Variants in SERPINF2 observed in about 807,000 individuals in gnomAD.
SERPINF2 encodes alpha-2-antiplasmin.
A neutral mutation model predicts 45.0 loss-of-function variants in SERPINF2; 15 were observed. The observed-to-expected ratio is 0.33, with a 90% CI of 0.22 to 0.51. The LOEUF (loss-of-function observed/expected upper bound fraction) is 0.51. Ranked by LOEUF, SERPINF2 falls within the 20% of genes least tolerant of loss-of-function variation. The pLI, the probability that SERPINF2 is intolerant of heterozygous loss-of-function variation, is 0.97. For missense variants in SERPINF2, 518 were observed against 637.4 expected (o/e 0.81, Z 2.02); for synonymous variants, 283 against 277.9 (o/e 1.02, Z -0.18).
chr17:1,754,004 G>A (rs942344765), intron 9 of SERPINF2, 118 bp from the exon 10 acceptor site: 7 of 1,156,056 alleles, frequency 6.1e-6, no homozygotes, highest in African/African-American at 4.5e-5. Flanking sequence ...TAGGAATGAA[G>A]CAGGTATCTG....
chr17:1,753,639 T>A (rs1325035849), intron 9 of SERPINF2, among the ~76,000 whole-genome samples: 1 of 152,074 alleles, frequency 6.6e-6, no homozygotes, highest in Non-Finnish European at 1.5e-5. Context: ...TGAGCCGAGA[T>A]CACGCCACTG....
rs954232296 is a variant in SERPINF2 at position 1,751,858 on chromosome 17, G to A, written c.859-728G>A. Among the ~76,000 whole-genome samples the A allele has an allele frequency of 7.9e-5, 11 of 138,598 alleles. 1 individual carries two copies. Among genetic ancestry groups the A allele is most frequent in the African/African-American group, 2.5e-4 (10 of 40,766 alleles). 90.9% of individuals were successfully genotyped at this position (138,598 alleles called of 152,430 possible). A position where few individuals can be genotyped will look rare whatever the true frequency, so the allele number is the denominator to read the frequency against. On this transcript the variant is annotated intron_variant, in intron 8 of 9. Transcript: ENST00000453066. ...TGGGAGGGTGGGGCGGGCAGCACTC[G>A]GCAGTGGCTCACCCACAGAACCCAG...
intron 8 of SERPINF2, among the ~76,000 whole-genome samples, chr17:1,751,136 G>C (rs1293336895): frequency 1.3e-5 from 2 of 152,178 alleles, no homozygotes; most frequent in African/African-American, 4.8e-5. Flanking sequence ...CACTGCTTTT[G>C]CTGCAGAATC....
chr17:1,747,090 C>T lies in SERPINF2; in HGVS notation c.439C>T (p.Leu147=), dbSNP rs770319910. 1.2e-6 allele frequency: 2 copies of T among 1,610,592 alleles called. No homozygotes were observed. The highest frequency in any genetic ancestry group is 8.5e-7 in the Non-Finnish European group (1 of 1,179,896). Residue 147 remains leucine, a synonymous_variant, in exon 6 of 10, where the codon CTG becomes TTG. Coordinates refer to ENST00000453066, the MANE Select transcript of SERPINF2 (RefSeq NM_000934.4). ...AGGCTCAGGGCCCTGCCTCCCCCAT[C>T]TGCTGAGCCGCCTCTGCCAGGACCT... ...HAGSGPCLPH[L]LSRLCQDLGP...
At position 1,750,333 on chromosome 17, in the gene SERPINF2, G is replaced by T. The variant is rs139652262; in HGVS notation, c.858+1593G>T. On this transcript the variant is annotated intron_variant, in intron 8 of 9. Coordinates refer to ENST00000453066, the MANE Select transcript of SERPINF2 (RefSeq NM_000934.4). ...CCAGCTAATTTTTGTATTTTTAGTA[G>T]AGACGGGGTTTCACCATATTGGCCA... is the stretch of plus-strand genomic sequence containing the variant. Among the ~76,000 whole-genome samples the T allele has an allele frequency of 5.2e-3, 794 of 152,158 alleles. 31 individuals carry two copies. The East Asian group carries it at 0.1, about 20-fold the overall frequency.
chr17:1,745,209 G>A lies in SERPINF2; in HGVS notation c.98G>A (p.Arg33Gln), dbSNP rs186870227. The A allele has an allele frequency of 1.7e-5, 26 of 1,570,274 alleles. No homozygotes were observed. Among genetic ancestry groups the A allele is most frequent in the Middle Eastern group, 1.7e-4 (1 of 5,884 alleles). The change falls in exon 3 of 10, where the codon CGG (arginine) becomes CAG (glutamine). Residue 33 changes from arginine to glutamine, a missense_variant. Around this residue, in one of 2 missense-constraint regions of SERPINF2, gnomAD observed 435 missense variants for 577.3 expected, o/e 0.75. Coordinates refer to ENST00000453066, the MANE Select transcript of SERPINF2 (RefSeq NM_000934.4). The surrounding 1 kb of genome is among the most constrained non-coding windows in gnomAD (Gnocchi z 6.2). ...SPVSAMEPLGRQLTSGPNQEQ... is the reference protein window; with the variant it reads ...SPVSAMEPLGQQLTSGPNQEQ... ...GTGAGCGCCATGGAGCCCTTGGGCC[G>A]GCAGGTACTGGGGAGTGAGGAGCCT...
chr17:1,745,186 G>T lies in SERPINF2; in HGVS notation c.75G>T (p.Val25=). ...CCCTTTCTCCACAGTTCTCCCCTGT[G>T]AGCGCCATGGAGCCCTTGGGCCGGC... is the stretch of plus-strand genomic sequence containing the variant. ...LQGPCSVFSP[V]SAMEPLGRQL... Residue 25 remains valine, a synonymous_variant, in exon 3 of 10, where the codon GTG becomes GTT. Transcript: ENST00000453066. This position sits in a 1 kb window ranked among gnomAD's most constrained non-coding sequence, Gnocchi z 6.2. The T allele has an allele frequency of 6.4e-7, 1 of 1,568,424 alleles. No individual in the cohort carries two copies.
chr17:1,743,973 T>G (rs1217461694), intron 1 of SERPINF2, among the ~76,000 whole-genome samples: 2 of 150,408 alleles, frequency 1.3e-5, no homozygotes, highest in Non-Finnish European at 3.0e-5. Context: ...CTCGGCTCAC[T>G]GCAACCTCCG....
chr17:1,745,545 G>A lies in SERPINF2; in HGVS notation c.165+150G>A. ...AGAGGGTGGGGAGGACCGAAGGTGGGCGCCAGGCCCCAGAATGCCAGTGCC... is the reference window on the plus strand; with the variant it reads ...AGAGGGTGGGGAGGACCGAAGGTGGACGCCAGGCCCCAGAATGCCAGTGCC... On this transcript the variant is annotated intron_variant, in intron 4 of 9. Transcript: ENST00000453066. The surrounding 1 kb of genome is among the most constrained non-coding windows in gnomAD (Gnocchi z 6.2). 8.3e-7 allele frequency: 1 copy of A among 1,198,226 alleles called. No individual in the cohort carries two copies. Among genetic ancestry groups the A allele is most frequent in the South Asian group, 1.3e-5 (1 of 77,144 alleles). The allele number at this position is 1,198,226 out of a possible 1,614,324, so 74.2% of individuals were successfully genotyped here.
In SERPINF2 at chr17:1,747,009, T is replaced by G. The variant is rs372873683; in HGVS notation, c.368-10T>G. 1.3e-4 allele frequency: 202 copies of G among 1,604,306 alleles called. 1 individual carries two copies. In the Middle Eastern group the frequency reaches 3.8e-3, roughly 30 times the overall value. ...CGCAGCCGGGCCTCAGCCTGTGCGGTGCCCTCCAGGTGCTCAGAACCACAC... is the reference window on the plus strand; with the variant it reads ...CGCAGCCGGGCCTCAGCCTGTGCGGGGCCCTCCAGGTGCTCAGAACCACAC... On this transcript the variant is annotated splice_polypyrimidine_tract_variant and intron_variant, in intron 5 of 9. Coordinates refer to ENST00000453066, the MANE Select transcript of SERPINF2 (RefSeq NM_000934.4).
rs1034588736 is a variant in SERPINF2 at position 1,745,634 on chromosome 17, G to T, written c.166-74G>T. On this transcript the variant is annotated intron_variant, in intron 4 of 9. Transcript: ENST00000453066. This position sits in a 1 kb window ranked among gnomAD's most constrained non-coding sequence, Gnocchi z 6.2. ...GGCCCTGCTGTCCTCAGGCACAGGGGCTGTGACAAGGCCTTCAACACAGAA... is the reference window on the plus strand; with the variant it reads ...GGCCCTGCTGTCCTCAGGCACAGGGTCTGTGACAAGGCCTTCAACACAGAA... The T allele has an allele frequency of 3.5e-6, 5 of 1,441,158 alleles. No homozygotes were observed. The highest frequency in any genetic ancestry group is 4.8e-6 in the Non-Finnish European group (5 of 1,033,540). The allele number at this position is 1,441,158 out of a possible 1,614,324, so 89.3% of individuals were successfully genotyped here.
rs371084929 is a variant in SERPINF2 at position 1,745,196 on chromosome 17, G to A, written c.85G>A (p.Glu29Lys). The A allele has an allele frequency of 6.6e-5, 103 of 1,569,368 alleles. No individual in the cohort carries two copies. Among genetic ancestry groups the A allele is most frequent in the Non-Finnish European group, 8.8e-5 (102 of 1,157,452 alleles). The change falls in exon 3 of 10, where the codon GAG becomes AAG. Residue 29 changes from glutamate (E) to lysine (K), a missense_variant. Coordinates refer to ENST00000453066, the MANE Select transcript of SERPINF2 (RefSeq NM_000934.4). This position sits in a 1 kb window ranked among gnomAD's most constrained non-coding sequence, Gnocchi z 6.2. ...ACAGTTCTCCCCTGTGAGCGCCATG[G>A]AGCCCTTGGGCCGGCAGGTACTGGG... ...CSVFSPVSAM[E>K]PLGRQLTSGP...
At chr17:1,747,249 G>C in intron 6 of SERPINF2, 60 bp from the exon 7 acceptor site, 2 of 1,610,630 alleles carry the variant, frequency 1.2e-6, no homozygotes, top group Non-Finnish European at 1.7e-6. Context: ...GTAGCGAGTA[G>C]GGGCGTGTCT....
rs141123460 is a variant in SERPINF2, at chr17:1,751,957, C to T, written c.859-629C>T. 3.7e-4 allele frequency among the ~76,000 whole-genome samples: 52 copies of T among 138,790 alleles called. 4 individuals carry two copies. Among genetic ancestry groups the T allele is most frequent in the African/African-American group, 1.1e-3 (47 of 40,892 alleles). The allele number at this position is 138,790 out of a possible 152,430, so 91.1% of individuals were successfully genotyped here. On this transcript the variant is annotated intron_variant, in intron 8 of 9. Transcript: ENST00000453066. ...TGAGACAAAGACAGGCGATTCCTTA[C>T]GCCGGGTCACACGGCCAGCTGGTAG...
rs1906504011 is a variant in SERPINF2 at position 1,752,759 on chromosome 17, A to C, written c.1032A>C (p.Gln344His). ...TGCCTAAGCTGTATCTGAAACACCA[A>C]ATGGACCTGGTGGCCACCCTCAGCC... ...VRLPKLYLKH[Q>H]MDLVATLSQL... The change falls in exon 9 of 10, where the codon CAA (glutamine) becomes CAC (histidine). Residue 344 changes from glutamine (Q) to histidine (H), a missense_variant. Gln to His is a conservative substitution (Grantham distance 24). This residue lies in a region of SERPINF2 where 435 missense variants were observed against 577.3 expected (regional missense o/e 0.75). Transcript: ENST00000453066. The C allele has an allele frequency of 6.2e-7, 1 of 1,613,302 alleles. No individual in the cohort carries two copies. The highest frequency in any genetic ancestry group is 8.5e-7 in the Non-Finnish European group (1 of 1,179,798).
chr17:1,746,956 G>T, intron 5 of SERPINF2, 63 bp from the exon 6 acceptor site: 1 of 1,581,520 alleles, frequency 6.3e-7, no homozygotes. Context: ...GGAGGGACTG[G>T]AGTGGGCAGT....
chr17:1,754,694 GGC>G lies in SERPINF2; in HGVS notation c.*164_*165del. The G allele has an allele frequency of 2.4e-6, 1 of 412,570 alleles. No individual in the cohort carries two copies. The highest frequency in any genetic ancestry group is 2.6e-5 in the South Asian group (1 of 39,084). The allele number at this position is 412,570 out of a possible 1,614,324, so 25.6% of individuals were successfully genotyped here. On this transcript the variant is annotated 3_prime_UTR_variant, in exon 10 of 10. Coordinates refer to ENST00000453066, the MANE Select transcript of SERPINF2 (RefSeq NM_000934.4). ...CTTGGGGAGTTTAGGGTGGGGGGGGGGCGCGGCTGGGAGGAGGGCAGGCATCG... is the reference window on the plus strand; with the variant it reads ...CTTGGGGAGTTTAGGGTGGGGGGGGGGCGGCTGGGAGGAGGGCAGGCATCG...
chr17:1,746,920 G>A lies in SERPINF2; in HGVS notation c.368-99G>A, dbSNP rs191999781. 147 of 1,471,602 alleles carry A rather than the reference G, an allele frequency of 1.0e-4. No individual in the cohort carries two copies. In the Admixed American group the frequency reaches 1.3e-3, roughly 13 times the overall value. The allele number at this position is 1,471,602 out of a possible 1,614,324, so 91.2% of individuals were successfully genotyped here. Reference sequence around the variant, plus strand: ...CTGTGGAAGGATGGCGTGTGGTCCCGTGGACGTCCTCGTCACGGGTATCCA... The same window carrying A: ...CTGTGGAAGGATGGCGTGTGGTCCCATGGACGTCCTCGTCACGGGTATCCA... On this transcript the variant is annotated intron_variant, in intron 5 of 9. Coordinates refer to ENST00000453066, the MANE Select transcript of SERPINF2 (RefSeq NM_000934.4).
chr17:1,746,021 T>TA (rs1347784698), intron 5 of SERPINF2, 112 bp downstream of exon 5: 35 of 1,206,888 alleles, frequency 2.9e-5, no homozygotes, highest in Non-Finnish European at 4.2e-5. Context: ...GGCTGTTTGG[T>TA]AAAAATGCAG....
Sources: allele counts gnomAD v4.1 joint callset (sites outside exome capture counted in the v4.1 genomes callset), GRCh38; gene constraint gnomAD v4.1.1; regional missense constraint gnomAD v4.1.1; non-coding constraint Gnocchi (gnomAD v3.1); transcripts MANE v1.5; gene names NCBI Gene and HGNC (gene_info 2026-07-23, HGNC 2026-07-21).